Variants in GALNT7 observed in about 807,000 individuals in gnomAD.
The protein encoded by GALNT7 is N-acetylgalactosaminyltransferase 7.
A neutral mutation model predicts 82.1 loss-of-function variants in GALNT7; 60 were observed. The observed-to-expected ratio is 0.73, with a 90% CI of 0.59 to 0.91. GALNT7 has a LOEUF of 0.91. Ranked by LOEUF, GALNT7 falls within the 40% of genes least tolerant of loss-of-function variation. GALNT7 has a pLI of 0.00. For missense variants in GALNT7, 660 were observed against 804.2 expected, an observed-to-expected ratio of 0.82 and a Z score of 2.17; for synonymous variants, 243 against 275.1, an observed-to-expected ratio of 0.88 and a Z score of 1.15.
intron 2 of GALNT7, among the ~76,000 whole-genome samples, chr4:173,290,653 A>G (rs1312542158): frequency 1.3e-5 from 2 of 152,236 alleles, no homozygotes; most frequent in East Asian, 1.9e-4. Context: ...GTAAACTTCT[A>G]TGTTGTTTGA....
intron 9 of GALNT7, chr4:173,315,919 T>C (rs946985414): frequency 1.3e-5 from 2 of 152,286 alleles, no homozygotes; most frequent in Non-Finnish European, 2.9e-5. Context: ...CCTGTCTTTG[T>C]CTCGCACTTC....
chr4:173,298,520 T>C, intron 6 of GALNT7: 1 of 411,256 alleles, frequency 2.4e-6, no homozygotes, highest in Non-Finnish European at 4.3e-6. Context: ...GTACACACTT[T>C]CATTGGGGAA....
intron 1 of GALNT7, among the ~76,000 whole-genome samples, chr4:173,178,080 T>G (rs1732129300): frequency 6.7e-6 from 1 of 148,628 alleles, no homozygotes. Flanking sequence ...CACAGACACC[T>G]ATGTATATAT....
intron 8 of GALNT7, among the ~76,000 whole-genome samples, chr4:173,308,565 T>A (rs1300730185): frequency 1.3e-5 from 2 of 152,190 alleles, no homozygotes; most frequent in African/African-American, 4.8e-5. Flanking sequence ...ATATCCTTTG[T>A]CCTGTTGTAT....
chr4:173,240,530 G>A (rs2126725422), intron 1 of GALNT7, among the ~76,000 whole-genome samples: 1 of 152,080 alleles, frequency 6.6e-6, no homozygotes, highest in South Asian at 2.1e-4. Context: ...CACCACGCCT[G>A]GCTAATTTTT....
chr4:173,168,849 T>G lies in GALNT7; in HGVS notation c.14T>G (p.Ile5Ser). Residue 5 changes from isoleucine (I) to serine (S), a missense_variant, in exon 1 of 12, where the codon ATT (isoleucine) becomes AGT (serine). Ile to Ser is a moderately radical substitution (Grantham distance 142). Coordinates refer to ENST00000265000, the MANE Select transcript of GALNT7 (RefSeq NM_017423.3). ...CGCCGGAGGAAGATGAGGCTGAAGA[T>G]TGGGTTCATCTTACGCAGTTTGCTG... MRLK[I>S]GFILRSLLVV... is the part of the protein sequence containing the mutation. 6.2e-7 allele frequency: 1 copy of G among 1,611,290 alleles called. No individual in the cohort carries two copies.
intron 2 of GALNT7, among the ~76,000 whole-genome samples, chr4:173,262,197 A>C (rs1269735078): frequency 6.6e-6 from 1 of 152,120 alleles, no homozygotes; most frequent in African/African-American, 2.4e-5. Flanking sequence ...AGCTTTTTTC[A>C]AGTAATTGTG....
chr4:173,272,867 A>G (rs1467546117), intron 2 of GALNT7, among the ~76,000 whole-genome samples: 2 of 152,218 alleles, frequency 1.3e-5, no homozygotes, highest in Non-Finnish European at 2.9e-5. Flanking sequence ...TGTATATTAC[A>G]TACTCTTTTC....
At chr4:173,192,725 T>G (rs1443025293) in intron 1 of GALNT7, among the ~76,000 whole-genome samples, 2 of 152,234 alleles carry the variant, frequency 1.3e-5, no homozygotes, top group African/African-American at 4.8e-5. Context: ...TATTATCCTC[T>G]CCACGTATAA....
intron 2 of GALNT7, among the ~76,000 whole-genome samples, chr4:173,288,653 A>G (rs1381137794): frequency 1.3e-5 from 2 of 152,130 alleles, no homozygotes; most frequent in Non-Finnish European, 2.9e-5. Context: ...CTGAGCTTTC[A>G]CGTGGAGGGA....
chr4:173,309,270 C>G (rs753483307), intron 8 of GALNT7, among the ~76,000 whole-genome samples: 1 of 152,186 alleles, frequency 6.6e-6, no homozygotes, highest in Non-Finnish European at 1.5e-5. Flanking sequence ...TCTCCCCATT[C>G]CAGGGAGTGT....
chr4:173,222,282 T>C (rs982163653), intron 1 of GALNT7, among the ~76,000 whole-genome samples: 2 of 152,200 alleles, frequency 1.3e-5, no homozygotes, highest in East Asian at 1.9e-4. Context: ...TTTATTATTA[T>C]TATTTTTTGA....
At chr4:173,213,277 C>T (rs138692478) in intron 1 of GALNT7, among the ~76,000 whole-genome samples, 369 of 152,026 alleles carry the variant, frequency 2.4e-3, no homozygotes, top group Admixed American at 6.5e-3. Flanking sequence ...AGAATTAAAA[C>T]TGATAAACCT....
At chr4:173,201,794 C>G (rs1220064667) in intron 1 of GALNT7, among the ~76,000 whole-genome samples, 1 of 152,180 alleles carries the variant, frequency 6.6e-6, no homozygotes, top group African/African-American at 2.4e-5. Flanking sequence ...TTGCCCAGAA[C>G]CCTGCAAACA....
intron 1 of GALNT7, among the ~76,000 whole-genome samples, chr4:173,242,324 A>G (rs1225389751): frequency 1.3e-5 from 2 of 152,198 alleles, no homozygotes; most frequent in South Asian, 2.1e-4. Context: ...TAGAATTTTT[A>G]TATTTCCATA....
rs1357875277 is a variant in GALNT7 at position 173,168,916 on chromosome 4, C to T, written c.81C>T (p.Ser27=). The stretch of plus-strand genomic sequence containing the variant: ...TGGGGCTAGTGGTCCTCTGGTCTTC[C>T]CTGACCCCGCGGCCGGACGACCCAA... ...SFLGLVVLWS[S]LTPRPDDPSP... is the part of the protein sequence containing the mutation. The change falls in exon 1 of 12, where the codon TCC becomes TCT. Residue 27 remains serine (S), a synonymous_variant. Transcript: ENST00000265000. The T allele has an allele frequency of 6.2e-7, 1 of 1,613,778 alleles. No homozygotes were observed. Among genetic ancestry groups the T allele is most frequent in the Admixed American group, 1.7e-5 (1 of 60,006 alleles).
chr4:173,252,281 GC>G (rs2126746979), intron 2 of GALNT7, among the ~76,000 whole-genome samples: 1 of 152,272 alleles, frequency 6.6e-6, no homozygotes, highest in South Asian at 2.1e-4. Flanking sequence ...TCAGAAGCTG[GC>G]TTGCTGTGGC....
At chr4:173,315,455 G>A (rs1737561606) in intron 9 of GALNT7, among the ~76,000 whole-genome samples, 2 of 152,230 alleles carry the variant, frequency 1.3e-5, no homozygotes, top group African/African-American at 2.4e-5. Flanking sequence ...AGGCCACTCT[G>A]GAGATGTGCA....
chr4:173,288,794 A>G (rs1419416069), intron 2 of GALNT7, among the ~76,000 whole-genome samples: 2 of 151,988 alleles, frequency 1.3e-5, no homozygotes, highest in Non-Finnish European at 2.9e-5. Flanking sequence ...TACTAGGTGA[A>G]AATTTAAACT....
Sources: gnomAD v4.1 joint callset for allele counts (sites outside exome capture counted in the v4.1 genomes callset) on GRCh38, gnomAD v4.1.1 for gene constraint, MANE v1.5 for transcripts, NCBI Gene and HGNC (gene_info 2026-07-23, HGNC 2026-07-21) for gene names.